Variants in PTPRT observed in about 807,000 individuals in gnomAD.
PTPRT encodes the protein protein tyrosine phosphatase receptor type T.
Under a neutral mutation model 176.8 loss-of-function variants are expected in PTPRT, and 56 were observed. The observed-to-expected ratio is 0.32, with a 90% CI of 0.26 to 0.40. The LOEUF is 0.40. PTPRT is among the 10% of genes least tolerant of loss of function. The pLI, the probability that PTPRT is intolerant of heterozygous loss-of-function variation, is 1.00. For synonymous variants in PTPRT, 783 were observed against 739.0 expected (o/e 1.06, Z -0.96); for missense variants, 1,540 against 1,908.2 (o/e 0.81, Z 3.60).
At chr20:42,510,477 A>G (rs1278534615) in intron 7 of PTPRT, among the ~76,000 whole-genome samples, 1 of 152,124 alleles carries the variant, frequency 6.6e-6, no homozygotes, top group Non-Finnish European at 1.5e-5. Context: ...AGGAGCCCCA[A>G]TACAGACCTG....
intron 11 of PTPRT, among the ~76,000 whole-genome samples, chr20:42,324,211 C>A (rs1407057082): frequency 3.3e-5 from 5 of 152,136 alleles, no homozygotes; most frequent in African/African-American, 1.2e-4. Flanking sequence ...ACTACTGCTA[C>A]AATCTGCAGC....
At chr20:42,536,306 T>C (rs1295428220) in intron 7 of PTPRT, among the ~76,000 whole-genome samples, 1 of 152,212 alleles carries the variant, frequency 6.6e-6, no homozygotes, top group East Asian at 1.9e-4. Flanking sequence ...ATGAGAGAAA[T>C]TTCCTTCTGA....
chr20:42,421,607 A>G (rs2059119885), intron 9 of PTPRT, among the ~76,000 whole-genome samples: 1 of 152,102 alleles, frequency 6.6e-6, no homozygotes, highest in Non-Finnish European at 1.5e-5. Flanking sequence ...ACGAGTCAAT[A>G]TCATTAAAAT....
At chr20:42,706,179 TTG>T (rs369232610) in intron 6 of PTPRT, among the ~76,000 whole-genome samples, 17,664 of 123,140 alleles carry the variant, frequency 0.14, 835 homozygotes, top group South Asian at 0.24. Flanking sequence ...CTCTCTCTGT[TTG>T]TGTGTGTGTG....
chr20:42,694,511 G>T (rs2075842994), intron 6 of PTPRT, among the ~76,000 whole-genome samples: 2 of 152,206 alleles, frequency 1.3e-5, no homozygotes, highest in African/African-American at 4.8e-5. Flanking sequence ...GCCATGAACA[G>T]TTATGTATAG....
intron 2 of PTPRT, among the ~76,000 whole-genome samples, chr20:42,878,679 G>T (rs948614800): frequency 6.6e-6 from 1 of 152,290 alleles, no homozygotes; most frequent in Non-Finnish European, 1.5e-5. Flanking sequence ...ACAGGATGAT[G>T]CCTAACCCAC....
intron 6 of PTPRT, among the ~76,000 whole-genome samples, chr20:42,692,260 C>A (rs1322703117): frequency 6.6e-6 from 1 of 152,182 alleles, no homozygotes; most frequent in African/African-American, 2.4e-5. Flanking sequence ...AACTTTTAGG[C>A]CAATCTCCCT....
At chr20:42,220,051 A>T (rs953853274) in intron 15 of PTPRT, among the ~76,000 whole-genome samples, 11 of 151,562 alleles carry the variant, frequency 7.3e-5, no homozygotes, top group African/African-American at 2.4e-4. Context: ...ATATATATAT[A>T]TTTTTCAACA....
the PTPRT span, among the ~76,000 whole-genome samples, chr20:42,043,407 A>G: frequency 2.0e-5 from 3 of 152,206 alleles, no homozygotes; most frequent in Non-Finnish European, 4.4e-5. Context: ...ATTCCCTTGC[A>G]ATTATGTGAG....
At chr20:42,096,756 A>AAT (rs1555862037) in intron 27 of PTPRT, among the ~76,000 whole-genome samples, 19,434 of 118,780 alleles carry the variant, frequency 0.16, 1,923 homozygotes, top group Non-Finnish European at 0.23. Flanking sequence ...GCTAATTAAA[A>AAT]TTTTTTTTTT....
intron 27 of PTPRT, among the ~76,000 whole-genome samples, chr20:42,097,952 T>A (rs1164704284): frequency 1.3e-5 from 2 of 152,102 alleles, no homozygotes; most frequent in African/African-American, 4.8e-5. Context: ...GAACTGGGGC[T>A]TGGTGGGGTG....
At chr20:42,290,927 AG>A (rs2057307101) in intron 12 of PTPRT, among the ~76,000 whole-genome samples, 1 of 152,120 alleles carries the variant, frequency 6.6e-6, no homozygotes, top group East Asian at 1.9e-4. Context: ...AAGAAGCCCT[AG>A]GTACCTGGCT....
chr20:42,637,123 T>G (rs1431213240), intron 7 of PTPRT, among the ~76,000 whole-genome samples: 1 of 152,070 alleles, frequency 6.6e-6, no homozygotes, highest in African/African-American at 2.4e-5. Flanking sequence ...CCCCCAGAGT[T>G]TCTGATTCCA....
At chr20:43,184,688 A>C (rs6030684) in intron 1 of PTPRT, among the ~76,000 whole-genome samples, 38 of 144,672 alleles carry the variant, frequency 2.6e-4, no homozygotes, top group African/African-American at 9.3e-4. Context: ...GACTCTGTCT[A>C]AAAAAAAAAA....
intron 1 of PTPRT, among the ~76,000 whole-genome samples, chr20:43,046,989 A>C (rs1170369324): frequency 6.6e-6 from 1 of 152,208 alleles, no homozygotes; most frequent in Non-Finnish European, 1.5e-5. Flanking sequence ...GCAATTATTC[A>C]GCATCTCTTG....
intron 11 of PTPRT, among the ~76,000 whole-genome samples, chr20:42,338,542 G>C (rs571893915): frequency 1.2e-4 from 19 of 152,286 alleles, no homozygotes; most frequent in African/African-American, 4.1e-4. Context: ...GCAGGAACAG[G>C]GTGTCCTGGC....
At chr20:42,401,684 G>A (rs1327096255) in intron 9 of PTPRT, among the ~76,000 whole-genome samples, 1 of 152,084 alleles carries the variant, frequency 6.6e-6, no homozygotes, top group Non-Finnish European at 1.5e-5. Context: ...TTAGGAAATG[G>A]GGTTAGCAGA....
At chr20:42,094,460 C>A (rs73129170) in intron 27 of PTPRT, among the ~76,000 whole-genome samples, 1 of 152,098 alleles carries the variant, frequency 6.6e-6, no homozygotes, top group Non-Finnish European at 1.5e-5. Context: ...CTTACTCTGT[C>A]GCCCTAGGCT....
intron 7 of PTPRT, among the ~76,000 whole-genome samples, chr20:42,476,387 C>G (rs1448738482): frequency 6.6e-6 from 1 of 152,146 alleles, no homozygotes; most frequent in Non-Finnish European, 1.5e-5. Flanking sequence ...ATTTTTAGAT[C>G]TCCAGCAAGG....
Sources: gnomAD v4.1 joint callset for allele counts (sites outside exome capture counted in the v4.1 genomes callset) on GRCh38, gnomAD v4.1.1 for gene constraint, MANE v1.5 for transcripts, NCBI Gene and HGNC (gene_info 2026-07-23, HGNC 2026-07-21) for gene names.